Variants in ZNF385D observed in about 807,000 individuals in gnomAD.
The protein encoded by ZNF385D is zinc finger protein 385D.
In ZNF385D, 15 loss-of-function variants were observed where a neutral mutation model predicts 35.8. The observed-to-expected ratio is 0.42, with a 90% CI of 0.28 to 0.64. ZNF385D has a LOEUF of 0.64. Ranked by LOEUF, ZNF385D falls within the 30% of genes least tolerant of loss-of-function variation. The pLI is 0.23. For synonymous variants in ZNF385D, 212 were observed against 186.8 expected (o/e 1.13, Z -1.10); for missense variants, 474 against 494.6 (o/e 0.96, Z 0.39).
chr3:22,212,529 AT>A (rs1419834975), intron 2 of ZNF385D, among the ~76,000 whole-genome samples: 11 of 151,948 alleles, frequency 7.2e-5, no homozygotes, highest in African/African-American at 2.2e-4. Context: ...TTCTCTTGGA[AT>A]TAATATGTCT....
At chr3:22,350,271 C>T (rs553983406) in intron 2 of ZNF385D, among the ~76,000 whole-genome samples, 1 of 152,192 alleles carries the variant, frequency 6.6e-6, no homozygotes, top group East Asian at 1.9e-4. Flanking sequence ...CTTTTCACTT[C>T]AGATTCAATA....
chr3:21,937,872 T>G (rs971806057), intron 3 of ZNF385D, among the ~76,000 whole-genome samples: 1 of 152,172 alleles, frequency 6.6e-6, no homozygotes, highest in Non-Finnish European at 1.5e-5. Flanking sequence ...CTCTATAACA[T>G]AAGCGTATTT....
At chr3:21,817,928 C>G (rs771175956) in intron 3 of ZNF385D, among the ~76,000 whole-genome samples, 4 of 152,246 alleles carry the variant, frequency 2.6e-5, no homozygotes, top group South Asian at 4.2e-4. Context: ...GGAACCAACC[C>G]AAATGTCCAT....
chr3:22,040,908 T>C (rs1203798224), intron 3 of ZNF385D, among the ~76,000 whole-genome samples: 2 of 152,184 alleles, frequency 1.3e-5, no homozygotes, highest in African/African-American at 4.8e-5. Context: ...GGGGAAGTTT[T>C]ATTTTAATTG....
intron 3 of ZNF385D, among the ~76,000 whole-genome samples, chr3:21,790,013 T>C (rs766564695): frequency 1.6e-4 from 24 of 152,160 alleles, no homozygotes; most frequent in Non-Finnish European, 1.0e-4. Context: ...TAGATGTACA[T>C]GAAATCTTCA....
intron 4 of ZNF385D, among the ~76,000 whole-genome samples, chr3:21,442,037 G>C (rs1015551852): frequency 1.3e-5 from 2 of 152,140 alleles, no homozygotes; most frequent in Non-Finnish European, 2.9e-5. Flanking sequence ...GGCTTCAGTT[G>C]AGAATAAAAG....
chr3:22,307,696 G>T lies in ZNF385D; in HGVS notation c.106+64754C>A, dbSNP rs375981724. On this transcript the variant is annotated intron_variant, in intron 2 of 5. Coordinates refer to the ZNF385D transcript ENST00000494108. ...AAGATATTTATTTACTTGTTTGTTC[G>T]TTTAAAATAGTCACACTCCTAGCAT... Among the ~76,000 whole-genome samples the T allele has an allele frequency of 1.4e-3, 207 of 149,690 alleles. 5 individuals carry two copies. The South Asian group carries it at 0.042, about 30-fold the overall frequency.
chr3:21,798,457 A>G (rs2072251732), intron 3 of ZNF385D, among the ~76,000 whole-genome samples: 1 of 152,090 alleles, frequency 6.6e-6, no homozygotes, highest in Non-Finnish European at 1.5e-5. Context: ...GGTCCTTACC[A>G]TTGGTCCCCT....
At chr3:22,360,241 C>A (rs1462168008) in intron 2 of ZNF385D, among the ~76,000 whole-genome samples, 1 of 151,960 alleles carries the variant, frequency 6.6e-6, no homozygotes, top group Non-Finnish European at 1.5e-5. Flanking sequence ...TTCTTTAAAA[C>A]GTGTGCCTGG....
chr3:21,433,703 A>G (rs1701410630), intron 5 of ZNF385D, among the ~76,000 whole-genome samples: 1 of 152,202 alleles, frequency 6.6e-6, no homozygotes. Flanking sequence ...CGGCCTAGGC[A>G]AACTACTTTC....
intron 3 of ZNF385D, among the ~76,000 whole-genome samples, chr3:21,945,687 C>A (rs1575979186): frequency 6.6e-6 from 1 of 152,066 alleles, no homozygotes. Context: ...TGATCCTCTG[C>A]CCAATTGATG....
At chr3:21,622,970 GA>G (rs75346926) in intron 2 of ZNF385D, among the ~76,000 whole-genome samples, 19,042 of 151,994 alleles carry the variant, frequency 0.13, 1,413 homozygotes, top group East Asian at 0.28. Flanking sequence ...ACTTGTCACT[GA>G]AAAAAAGATG....
At chr3:21,521,528 A>G (rs1707906876) in intron 3 of ZNF385D, among the ~76,000 whole-genome samples, 1 of 152,150 alleles carries the variant, frequency 6.6e-6, no homozygotes, top group Non-Finnish European at 1.5e-5. Context: ...CACAGTGGTA[A>G]GATCACTTGA....
At chr3:22,220,784 CTTTCCCTAAGTATTATT>C (rs374573775) in intron 2 of ZNF385D, among the ~76,000 whole-genome samples, 16 of 152,268 alleles carry the variant, frequency 1.1e-4, no homozygotes, top group African/African-American at 3.8e-4. Context: ...ACCGTCATCA[CTTTCCCTAAGTATTATT>C]TTCTACTGTG....
intron 3 of ZNF385D, among the ~76,000 whole-genome samples, chr3:22,031,686 C>T (rs1266824563): frequency 6.6e-6 from 1 of 152,222 alleles, no homozygotes; most frequent in East Asian, 1.9e-4. Flanking sequence ...AGACATTTTC[C>T]CCATTGTGCT....
At chr3:22,180,914 C>CTTTTGTTCTTTTTTTTTTTTTTTTTT (rs1695209879) in intron 2 of ZNF385D, among the ~76,000 whole-genome samples, 72 of 112,940 alleles carry the variant, frequency 6.4e-4, no homozygotes, top group African/African-American at 2.9e-3. Context: ...TGCTTTTGTT[C>CTTTTGTTCTTTTTTTTTTTTTTTTTT]TTTTTTTTTT....
chr3:22,315,875 G>A (rs549666998), intron 2 of ZNF385D, among the ~76,000 whole-genome samples: 2 of 152,160 alleles, frequency 1.3e-5, no homozygotes, highest in Admixed American at 6.5e-5. Flanking sequence ...ACTAATGAAA[G>A]GCCACAAGAT....
At chr3:22,012,045 G>C (rs1307178719) in intron 3 of ZNF385D, among the ~76,000 whole-genome samples, 1 of 152,090 alleles carries the variant, frequency 6.6e-6, no homozygotes, top group Non-Finnish European at 1.5e-5. Flanking sequence ...ATCAGATAGG[G>C]AATTATATCA....
intron 3 of ZNF385D, among the ~76,000 whole-genome samples, chr3:22,002,433 G>A (rs1303303525): frequency 6.6e-6 from 1 of 152,042 alleles, no homozygotes; most frequent in East Asian, 1.9e-4. Context: ...TGAATTGGTA[G>A]TAAAAAGTCT....
Sources: allele counts gnomAD v4.1 joint callset (sites outside exome capture counted in the v4.1 genomes callset), GRCh38; gene constraint gnomAD v4.1.1; transcripts MANE v1.5; gene names NCBI Gene and HGNC (gene_info 2026-07-23, HGNC 2026-07-21).